KIDINS220: variants seen among roughly 807,000 people sequenced by gnomAD.
The protein encoded by KIDINS220 is kinase D-interacting substrate of 220 kDa.
A neutral mutation model predicts 157.6 loss-of-function variants in KIDINS220; 63 were observed. The ratio of observed to expected loss-of-function variants is 0.40; its 90% confidence interval spans 0.33 to 0.49. The LOEUF (loss-of-function observed/expected upper bound fraction) is 0.49, where lower values mean the gene tolerates loss of function less well. Among genes scored for constraint, KIDINS220 ranks in the 20% least tolerant of loss-of-function variants. The pLI, the probability that KIDINS220 is intolerant of heterozygous loss-of-function variation, is 0.66. For missense variants in KIDINS220, 1,772 were observed against 2,171.2 expected (o/e 0.82, Z 3.65); for synonymous variants, 732 against 783.6 (o/e 0.93, Z 1.10).
At chr2:8,733,711 C>T (rs561641461) in intron 28 of KIDINS220, 31 bp from the exon 29 acceptor site, 4 of 1,309,012 alleles carry the variant, frequency 3.1e-6, no homozygotes, top group Non-Finnish European at 4.2e-6. Flanking sequence ...AATATTTACA[C>T]TAACAAATCA....
intron 24 of KIDINS220, among the ~76,000 whole-genome samples, chr2:8,748,482 C>T (rs1666871885): frequency 6.6e-6 from 1 of 152,178 alleles, no homozygotes; most frequent in South Asian, 2.1e-4. Flanking sequence ...TTACAAGTTC[C>T]TGGAGTTCAC....
chr2:8,744,427 T>A (rs555679709), intron 26 of KIDINS220, among the ~76,000 whole-genome samples: 5 of 97,212 alleles, frequency 5.1e-5, no homozygotes, highest in African/African-American at 2.0e-4. Flanking sequence ...TATATATATA[T>A]ATATATATAT....
chr2:8,791,656 TA>T (rs1321274437), intron 12 of KIDINS220, among the ~76,000 whole-genome samples: 1 of 152,120 alleles, frequency 6.6e-6, no homozygotes, highest in African/African-American at 2.4e-5. Flanking sequence ...AAAATATGAT[TA>T]ACACAAATAA....
At chr2:8,794,023 TC>T (rs751504076) in intron 11 of KIDINS220, 36 bp from the exon 12 acceptor site, 4 of 1,492,414 alleles carry the variant, frequency 2.7e-6, no homozygotes, top group Non-Finnish European at 3.6e-6. Context: ...AACTTTCTTA[TC>T]TTTATATATA....
Position 8,757,616 on chromosome 2 carries a change from G to A in KIDINS220, c.3012-5972C>T, listed in dbSNP as rs181057392. On this transcript the variant is annotated intron_variant, in intron 22 of 29. Transcript: ENST00000256707. ...TATTTGCCATTTTCAGTCCTTCGAG[G>A]CAGATAACCCAAGTGAATGTGCATC... 1.2e-4 allele frequency: 196 copies of A among 1,601,000 alleles called. 1 individual carries two copies. The East Asian group carries it at 3.2e-3, about 26-fold the overall frequency.
At chr2:8,749,275 C>T (rs1479221460) in intron 24 of KIDINS220, 7 of 341,510 alleles carry the variant, frequency 2.0e-5, no homozygotes, top group Admixed American at 3.9e-5. Flanking sequence ...TTTACACAGG[C>T]AGTTTAGGCA....
chr2:8,779,017 A>G lies in KIDINS220; in HGVS notation c.2493T>C (p.His831=). Reference sequence around the variant, plus strand: ...AGTGGACTATGTTGCGCATGTAGTCATGGCCATTTATATTTGAATCCCGAA... The same window carrying G: ...AGTGGACTATGTTGCGCATGTAGTCGTGGCCATTTATATTTGAATCCCGAA... The part of the protein sequence containing the change: ...SVLRDSNING[H]DYMRNIVHLP... The change falls in exon 19 of 30, where the codon CAT becomes CAC. Residue 831 remains histidine (H), a synonymous_variant. Transcript: ENST00000256707. 1 of 1,614,144 alleles carries G rather than the reference A, an allele frequency of 6.2e-7. No homozygotes were observed. The highest frequency in any genetic ancestry group is 1.1e-5 in the South Asian group (1 of 91,084).
At chr2:8,752,527 A>G (rs995821603) in intron 22 of KIDINS220, among the ~76,000 whole-genome samples, 1 of 152,130 alleles carries the variant, frequency 6.6e-6, no homozygotes, top group Non-Finnish European at 1.5e-5. Flanking sequence ...ATGAAGATTC[A>G]TTGAGTTATT....
intron 1 of KIDINS220, among the ~76,000 whole-genome samples, chr2:8,832,683 A>G (rs2148458655): frequency 6.6e-6 from 1 of 152,306 alleles, no homozygotes; most frequent in East Asian, 1.9e-4. Context: ...GTTCATTTTC[A>G]ATAGAAAAAA....
At chr2:8,829,945 C>T (rs1158537609) in intron 1 of KIDINS220, among the ~76,000 whole-genome samples, 1 of 151,742 alleles carries the variant, frequency 6.6e-6, no homozygotes, top group East Asian at 1.9e-4. Flanking sequence ...ACCCCACAGC[C>T]CAGCCAAGCA....
chr2:8,775,538 C>A (rs1670849787), intron 21 of KIDINS220, among the ~76,000 whole-genome samples: 1 of 152,128 alleles, frequency 6.6e-6, no homozygotes, highest in Non-Finnish European at 1.5e-5. Context: ...CTAATGGGGT[C>A]AAATAAGATG....
At chr2:8,793,734 T>C (rs1673517436) in intron 12 of KIDINS220, 76 bp downstream of exon 12, 2 of 1,350,560 alleles carry the variant, frequency 1.5e-6, no homozygotes, top group African/African-American at 2.9e-5. Flanking sequence ...CCACCATGCC[T>C]GGCCTTATTT....
At chr2:8,812,329 GT>G in intron 6 of KIDINS220, 65 bp downstream of exon 6, 1 of 701,132 alleles carries the variant, frequency 1.4e-6, no homozygotes, top group Non-Finnish European at 2.3e-6. Flanking sequence ...ATATAAAAAT[GT>G]TTATAACTTA....
chr2:8,776,731 TAA>T lies in KIDINS220; in HGVS notation c.2848+15_2848+16del. On this transcript the variant is annotated intron_variant, in intron 21 of 29. Transcript: ENST00000256707. ...AAAGCTTATTAACTATCATAGACAA[TAA>T]GAGACAAAAGTCACCTGTCACAGAA... The T allele has an allele frequency of 1.9e-6, 3 of 1,608,798 alleles. No homozygotes were observed. Among genetic ancestry groups the T allele is most frequent in the Non-Finnish European group, 2.5e-6 (3 of 1,176,596 alleles).
intron 2 of KIDINS220, among the ~76,000 whole-genome samples, chr2:8,825,199 C>T (rs1678568726): frequency 6.6e-6 from 1 of 151,740 alleles, no homozygotes; most frequent in Non-Finnish European, 1.5e-5. Context: ...TGGTGAAACC[C>T]CATCTCTACT....
chr2:8,817,218 T>A (rs898911968), intron 4 of KIDINS220, among the ~76,000 whole-genome samples: 13 of 152,168 alleles, frequency 8.5e-5, no homozygotes, highest in Non-Finnish European at 1.8e-4. Flanking sequence ...ATCACATTTT[T>A]AAAAATAAAT....
intron 26 of KIDINS220, among the ~76,000 whole-genome samples, chr2:8,743,760 G>A (rs1482259359): frequency 1.3e-5 from 2 of 152,144 alleles, no homozygotes; most frequent in African/African-American, 4.8e-5. Flanking sequence ...ACCCTCAAGA[G>A]GAAAGGCATG....
At chr2:8,788,587 T>G in intron 15 of KIDINS220, 60 bp downstream of exon 15, 1 of 1,540,192 alleles carries the variant, frequency 6.5e-7, no homozygotes, top group Non-Finnish European at 8.9e-7. Flanking sequence ...CTTTCCGAAG[T>G]GAAAAATATT....
At chr2:8,744,402 A>ATC (rs1666236757) in intron 26 of KIDINS220, among the ~76,000 whole-genome samples, 2 of 3,388 alleles carry the variant, frequency 5.9e-4, no homozygotes, top group Non-Finnish European at 1.1e-3. Context: ...TATATATATA[A>ATC]TATATATATA....
Sources: allele counts gnomAD v4.1 joint callset (sites outside exome capture counted in the v4.1 genomes callset), GRCh38; gene constraint gnomAD v4.1.1; transcripts MANE v1.5; gene names NCBI Gene and HGNC (gene_info 2026-07-23, HGNC 2026-07-21).